The following AUTS2 variants were observed in gnomAD, a reference collection of about 807,000 sequenced individuals.
The protein encoded by AUTS2 is activator of transcription and developmental regulator AUTS2, also known as autism susceptibility gene 2 protein.
AUTS2 carries 17 observed loss-of-function variants against 112.4 expected under a neutral mutation model. The observed-to-expected ratio is 0.15, with a 90% CI of 0.10 to 0.23. AUTS2 has a LOEUF of 0.23. Among genes scored for constraint, AUTS2 ranks in the 10% least tolerant of loss-of-function variants. AUTS2 has a pLI of 1.00. For synonymous variants in AUTS2, 751 were observed against 702.7 expected, an observed-to-expected ratio of 1.07 and a Z score of -1.09; for missense variants, 1,510 against 1,701.6, an observed-to-expected ratio of 0.89 and a Z score of 1.98.
chr7:70,042,610 A>C (rs1454830886), intron 2 of AUTS2, among the ~76,000 whole-genome samples: 2 of 152,062 alleles, frequency 1.3e-5, no homozygotes, highest in African/African-American at 2.4e-5. Flanking sequence ...TATAGCTAAT[A>C]TTTTTCCCTG....
At chr7:70,355,433 G>C (rs970836207) in intron 4 of AUTS2, among the ~76,000 whole-genome samples, 3 of 152,010 alleles carry the variant, frequency 2.0e-5, no homozygotes, top group Admixed American at 2.0e-4. Context: ...AGGACTTTTT[G>C]TTCTCCTTAC....
intron 2 of AUTS2, among the ~76,000 whole-genome samples, chr7:70,042,508 T>C (rs1187340973): frequency 6.6e-6 from 1 of 152,194 alleles, no homozygotes; most frequent in Admixed American, 6.5e-5. Flanking sequence ...GTAAAAAAAT[T>C]GTGCATTAAA....
chr7:69,671,209 C>A (rs1226631922), intron 1 of AUTS2, among the ~76,000 whole-genome samples: 3 of 152,128 alleles, frequency 2.0e-5, no homozygotes, highest in Non-Finnish European at 4.4e-5. Flanking sequence ...GGAATGCCTA[C>A]ATGTAAAAGG....
intron 4 of AUTS2, among the ~76,000 whole-genome samples, chr7:70,183,826 T>G (rs1809453206): frequency 1.4e-5 from 2 of 140,594 alleles, no homozygotes; most frequent in Non-Finnish European, 3.0e-5. Context: ...CCTTTTTCTG[T>G]CTTTTTCTTT....
At chr7:70,572,037 T>G (rs1317809440) in intron 5 of AUTS2, among the ~76,000 whole-genome samples, 1 of 152,222 alleles carries the variant, frequency 6.6e-6, no homozygotes, top group Non-Finnish European at 1.5e-5. Flanking sequence ...CTTATATATT[T>G]GTCAAATTTA....
In AUTS2 at chr7:70,790,430, C is replaced by T. The variant is rs1455506276; in HGVS notation, c.3214C>T (p.Arg1072Trp). ...CCCTTCTTTCCACTGGGACCCCATC[C>T]GGGACCCCTTGAGGGATCCTTACCG... ...PYPSFHWDPI[R>W]DPLRDPYREL... The change falls in exon 19 of 19, where the codon CGG becomes TGG. Residue 1072 changes from arginine to tryptophan, a missense_variant. Arg to Trp is a moderately radical substitution (Grantham distance 101, BLOSUM62 -3). Transcript: ENST00000342771. The surrounding 1 kb of genome is among the most constrained non-coding windows in gnomAD (Gnocchi z 7.6). 2 of 1,612,686 alleles carry T rather than the reference C, an allele frequency of 1.2e-6. No individual in the cohort carries two copies. Among genetic ancestry groups the T allele is most frequent in the Non-Finnish European group, 1.7e-6 (2 of 1,179,474 alleles).
chr7:70,701,075 T>G (rs543698508), intron 6 of AUTS2, among the ~76,000 whole-genome samples: 2 of 152,340 alleles, frequency 1.3e-5, no homozygotes, highest in Admixed American at 6.5e-5. Flanking sequence ...CTCCAGATGT[T>G]TAAGTTACAC....
chr7:70,302,854 G>A (rs764733809), intron 4 of AUTS2, among the ~76,000 whole-genome samples: 13 of 151,160 alleles, frequency 8.6e-5, no homozygotes, highest in Non-Finnish European at 1.6e-4. Context: ...AAGTGGGTGC[G>A]TGCATGCGTG....
Position 70,251,358 on chromosome 7 carries a change from C to T in AUTS2, c.660+116787C>T, listed in dbSNP as rs147367963. On this transcript the variant is annotated intron_variant, in intron 4 of 18. Coordinates refer to ENST00000342771, the MANE Select transcript of AUTS2 (RefSeq NM_015570.4). ...GATTACAGGCGTGAACCACCACACC[C>T]GGCCAATATAAAATATTTCAACAAA... is the stretch of plus-strand genomic sequence containing the variant. Among the ~76,000 whole-genome samples, 6 of 152,226 alleles carry T rather than the reference C, an allele frequency of 3.9e-5. No individual in the cohort carries two copies. The East Asian group carries it at 7.7e-4, about 20-fold the overall frequency.
chr7:69,662,192 T>TA (rs1795833509), intron 1 of AUTS2, among the ~76,000 whole-genome samples: 1 of 151,932 alleles, frequency 6.6e-6, no homozygotes, highest in African/African-American at 2.4e-5. Flanking sequence ...TTTTTTTTTT[T>TA]AATTAACAGT....
chr7:70,712,196 T>G (rs1229611400), intron 6 of AUTS2, among the ~76,000 whole-genome samples: 1 of 21,694 alleles, frequency 4.6e-5, no homozygotes, highest in Non-Finnish European at 9.8e-5. Flanking sequence ...TGGCTCACTT[T>G]TTTTTTTTTT....
At chr7:70,190,701 T>C (rs1809834639) in intron 4 of AUTS2, among the ~76,000 whole-genome samples, 2 of 152,256 alleles carry the variant, frequency 1.3e-5, no homozygotes, top group Non-Finnish European at 2.9e-5. Context: ...CTCTTCATTT[T>C]ACTGATGTTT....
chr7:70,181,561 C>T (rs1562769012), intron 4 of AUTS2, among the ~76,000 whole-genome samples: 1 of 151,124 alleles, frequency 6.6e-6, no homozygotes, highest in Non-Finnish European at 1.5e-5. Flanking sequence ...CATCTCGGCT[C>T]ACTGTAACCT....
chr7:70,267,011 C>A (rs1339254256), intron 4 of AUTS2, among the ~76,000 whole-genome samples: 4 of 152,150 alleles, frequency 2.6e-5, no homozygotes, highest in Non-Finnish European at 5.9e-5. Flanking sequence ...GGTGACAGCG[C>A]AATAATGGAA....
chr7:70,030,883 A>G (rs1278465306), intron 2 of AUTS2, among the ~76,000 whole-genome samples: 1 of 152,066 alleles, frequency 6.6e-6, no homozygotes, highest in East Asian at 1.9e-4. Flanking sequence ...ACGGGATCCC[A>G]CTATGGCTTG....
chr7:70,361,340 A>T (rs933636897), intron 4 of AUTS2, among the ~76,000 whole-genome samples: 3 of 152,182 alleles, frequency 2.0e-5, no homozygotes, highest in African/African-American at 7.2e-5. Context: ...CTGAAAAAAA[A>T]AAAATCGATT....
chr7:70,437,888 C>A (rs1397240614), intron 5 of AUTS2: 1 of 150,872 alleles, frequency 6.6e-6, no homozygotes, highest in African/African-American at 2.4e-5. Flanking sequence ...CATCACCAGT[C>A]TTCAGCAGTG....
At chr7:70,245,472 A>G (rs910913905) in intron 4 of AUTS2, among the ~76,000 whole-genome samples, 1 of 152,176 alleles carries the variant, frequency 6.6e-6, no homozygotes, top group African/African-American at 2.4e-5. Context: ...TTTCCTAAAC[A>G]GTGATATTTG....
intron 1 of AUTS2, among the ~76,000 whole-genome samples, chr7:69,894,543 CTA>C (rs1794665438): frequency 6.6e-6 from 1 of 152,006 alleles, no homozygotes; most frequent in African/African-American, 2.4e-5. Context: ...GGAAAAGTAA[CTA>C]AAATAAATGA....
Sources: allele counts gnomAD v4.1 joint callset (sites outside exome capture counted in the v4.1 genomes callset), GRCh38; gene constraint gnomAD v4.1.1; non-coding constraint Gnocchi (gnomAD v3.1); transcripts MANE v1.5; gene names NCBI Gene and HGNC (gene_info 2026-07-23, HGNC 2026-07-21).